The following TENM4 variants were observed in gnomAD, a reference collection of about 807,000 sequenced individuals.
The protein encoded by TENM4 is teneurin-4.
Under a neutral mutation model 243.3 loss-of-function variants are expected in TENM4, and 82 were observed. The observed-to-expected ratio is 0.34, with a 90% CI of 0.28 to 0.40. TENM4 has a LOEUF of 0.40. Among genes scored for constraint, TENM4 ranks in the 10% least tolerant of loss-of-function variants. TENM4 has a pLI of 1.00. For missense variants in TENM4, 3,138 were observed against 3,673.3 expected (o/e 0.85, Z 3.77); for synonymous variants, 1,412 against 1,456.3 (o/e 0.97, Z 0.69).
intron 30 of TENM4, among the ~76,000 whole-genome samples, chr11:78,675,485 G>A (rs551843953): frequency 1.6e-4 from 24 of 152,182 alleles, no homozygotes; most frequent in Non-Finnish European, 3.2e-4. Flanking sequence ...TCAAGGTGGA[G>A]GAAAAAGAAG....
At chr11:78,799,960 G>A (rs530200813) in intron 15 of TENM4, among the ~76,000 whole-genome samples, 1 of 152,202 alleles carries the variant, frequency 6.6e-6, no homozygotes, top group South Asian at 2.1e-4. Flanking sequence ...TGAGGAGAGA[G>A]GCTATGGGGG....
chr11:78,739,780 C>T (rs570542614), intron 19 of TENM4, among the ~76,000 whole-genome samples: 5 of 152,264 alleles, frequency 3.3e-5, no homozygotes, highest in East Asian at 3.9e-4. Flanking sequence ...GTGGAGTTTC[C>T]GTGTCTGCAG....
intron 29 of TENM4, among the ~76,000 whole-genome samples, chr11:78,687,144 A>G (rs1272442060): frequency 6.6e-6 from 1 of 152,136 alleles, no homozygotes; most frequent in Non-Finnish European, 1.5e-5. Flanking sequence ...CAGCCAGTTC[A>G]CACAGGTGGG....
chr11:79,291,340 A>G (rs1856353353), intron 2 of TENM4, among the ~76,000 whole-genome samples: 1 of 152,196 alleles, frequency 6.6e-6, no homozygotes, highest in Non-Finnish European at 1.5e-5. Flanking sequence ...CCTCTGTCCA[A>G]AGAAGGTTTG....
intron 6 of TENM4, among the ~76,000 whole-genome samples, chr11:78,917,793 T>C (rs1465632191): frequency 1.3e-5 from 2 of 152,188 alleles, no homozygotes; most frequent in Non-Finnish European, 1.5e-5. Flanking sequence ...TAATACAGTA[T>C]GGTAGGAGGG....
chr11:78,938,480 C>T (rs113848008), intron 6 of TENM4, among the ~76,000 whole-genome samples: 15 of 152,256 alleles, frequency 9.9e-5, no homozygotes, highest in African/African-American at 3.6e-4. Flanking sequence ...AAGTACAGAT[C>T]AACAAAGTAT....
At chr11:79,196,013 C>A (rs1332033987) in intron 3 of TENM4, among the ~76,000 whole-genome samples, 1 of 152,116 alleles carries the variant, frequency 6.6e-6, no homozygotes, top group African/African-American at 2.4e-5. Context: ...ATAAGCCTCA[C>A]GAGATCTGAT....
At chr11:78,872,307 G>T (rs1859153889) in intron 9 of TENM4, among the ~76,000 whole-genome samples, 6 of 152,132 alleles carry the variant, frequency 3.9e-5, no homozygotes, top group Admixed American at 3.3e-4. Flanking sequence ...ACACAGAAGG[G>T]GTGCTTAAAC....
At chr11:78,882,557 A>T (rs1855454627) in intron 9 of TENM4, among the ~76,000 whole-genome samples, 1 of 152,200 alleles carries the variant, frequency 6.6e-6, no homozygotes, top group African/African-American at 2.4e-5. Context: ...AAAAGAAGGG[A>T]AGTCTAATAT....
intron 6 of TENM4, among the ~76,000 whole-genome samples, chr11:78,936,191 G>A (rs1443444065): frequency 6.6e-6 from 1 of 152,180 alleles, no homozygotes; most frequent in African/African-American, 2.4e-5. Context: ...AGTGAAAGAA[G>A]GAATGAGTCT....
At chr11:79,325,107 GAAGA>G (rs1856952303) in intron 1 of TENM4, among the ~76,000 whole-genome samples, 1 of 152,194 alleles carries the variant, frequency 6.6e-6, no homozygotes, top group Admixed American at 6.5e-5. Flanking sequence ...TTGGCACGTG[GAAGA>G]GAGAGAGAGA....
At chr11:78,810,985 G>A (rs73498553) in intron 14 of TENM4, among the ~76,000 whole-genome samples, 3,947 of 152,274 alleles carry the variant, frequency 0.026, 148 homozygotes, top group African/African-American at 0.083. Context: ...TGAGTGGGGC[G>A]AAACAGGAAA....
At chr11:79,093,249 G>A (rs182422263) in intron 4 of TENM4, 2 of 149,660 alleles carry the variant, frequency 1.3e-5, no homozygotes, top group East Asian at 4.0e-4. Flanking sequence ...GTAATCATGT[G>A]ACCCACTTCT....
chr11:79,406,194 T>C (rs1481669983), intron 1 of TENM4, among the ~76,000 whole-genome samples: 1 of 152,238 alleles, frequency 6.6e-6, no homozygotes, highest in East Asian at 1.9e-4. Context: ...TTCCATCTTT[T>C]GGATTTCTGC....
intron 1 of TENM4, among the ~76,000 whole-genome samples, chr11:79,309,650 G>A (rs891712869): frequency 2.0e-5 from 3 of 152,140 alleles, no homozygotes; most frequent in Non-Finnish European, 4.4e-5. Flanking sequence ...GATCCAAGTC[G>A]GCTTCATACT....
intron 6 of TENM4, among the ~76,000 whole-genome samples, chr11:78,917,640 C>G (rs935258815): frequency 6.6e-6 from 1 of 152,110 alleles, no homozygotes; most frequent in Non-Finnish European, 1.5e-5. Context: ...CCCTAGGCAA[C>G]AGAAATGTAA....
intron 12 of TENM4, among the ~76,000 whole-genome samples, chr11:78,819,773 G>A (rs538100071): frequency 6.6e-6 from 1 of 152,282 alleles, no homozygotes; most frequent in East Asian, 1.9e-4. Context: ...GCTAATAGAA[G>A]CCTGCATTTA....
intron 22 of TENM4, among the ~76,000 whole-genome samples, chr11:78,728,963 TG>T (rs1258149610): frequency 6.6e-6 from 1 of 151,430 alleles, no homozygotes; most frequent in Non-Finnish European, 1.5e-5. Flanking sequence ...GCATTTTTGA[TG>T]GAGGAAGAAT....
Position 79,393,695 on chromosome 11 carries a change from A to C in TENM4, c.-321+46814T>G, listed in dbSNP as rs145420911. The stretch of plus-strand genomic sequence containing the variant: ...GCACTCCACGATGCATATGGGCACC[A>C]CTGAAGAGCCAAGTCTTACTGAAGG... On this transcript the variant is annotated intron_variant, in intron 1 of 33. Transcript: ENST00000278550. Among the ~76,000 whole-genome samples, 14 of 152,354 alleles carry C rather than the reference A, an allele frequency of 9.2e-5. No homozygotes were observed. The East Asian group carries it at 2.5e-3, about 27-fold the overall frequency.
Sources: gnomAD v4.1 joint callset for allele counts (sites outside exome capture counted in the v4.1 genomes callset) on GRCh38, gnomAD v4.1.1 for gene constraint, MANE v1.5 for transcripts, NCBI Gene and HGNC (gene_info 2026-07-23, HGNC 2026-07-21) for gene names.